The following TBCD variants were observed in gnomAD, a reference collection of about 807,000 sequenced individuals.
TBCD encodes tubulin folding cofactor D.
In TBCD, 105 loss-of-function variants were observed where a neutral mutation model predicts 169.3. That is an observed-to-expected ratio of 0.62 (90% CI 0.53 to 0.73). The LOEUF (loss-of-function observed/expected upper bound fraction) is 0.73, where lower values mean the gene tolerates loss of function less well. Ranked by LOEUF, TBCD falls within the 30% of genes least tolerant of loss-of-function variation. The pLI is 0.00. For missense variants in TBCD, 1,444 were observed against 1,600.1 expected (o/e 0.90, Z 1.66); for synonymous variants, 700 against 643.9 (o/e 1.09, Z -1.32).
chr17:82,807,025 C>G (rs2051017971), intron 10 of TBCD, among the ~76,000 whole-genome samples: 2 of 152,242 alleles, frequency 1.3e-5, no homozygotes, highest in Admixed American at 1.3e-4. Flanking sequence ...GACTGTCTCT[C>G]CACCCTCCCC....
rs2058970248 is a variant in TBCD at position 82,889,353 on chromosome 17, A to C, written c.1534-315A>C. ...GTGTTCGGGCTCTGGGCTTTGATTT[A>C]ACCTGCCTGTCTGTCTCTCTGAGTT... On this transcript the variant is annotated intron_variant, in intron 15 of 38. Coordinates refer to ENST00000355528, the MANE Select transcript of TBCD (RefSeq NM_005993.5). The surrounding 1 kb of genome is among the most constrained non-coding windows in gnomAD (Gnocchi z 5.3). 6.6e-6 allele frequency among the ~76,000 whole-genome samples: 1 copy of C among 152,004 alleles called. No individual in the cohort carries two copies. The highest frequency in any genetic ancestry group is 2.1e-4 in the South Asian group (1 of 4,810).
At chr17:82,862,858 A>G (rs1321590368) in intron 13 of TBCD, among the ~76,000 whole-genome samples, 1 of 152,192 alleles carries the variant, frequency 6.6e-6, no homozygotes, top group Non-Finnish European at 1.5e-5. Context: ...TCCGTTAAGT[A>G]GGGCCAGGTG....
chr17:82,791,642 G>A (rs1194410073), intron 7 of TBCD, among the ~76,000 whole-genome samples: 1 of 152,210 alleles, frequency 6.6e-6, no homozygotes, highest in Non-Finnish European at 1.5e-5. Context: ...AGTGATGGGG[G>A]AGTTGTTTAA....
chr17:82,843,001 C>T (rs999199708), intron 13 of TBCD, among the ~76,000 whole-genome samples: 8 of 151,818 alleles, frequency 5.3e-5, no homozygotes, highest in African/African-American at 1.2e-4. Flanking sequence ...AGGATGGTCT[C>T]GATCTCCTGA....
At chr17:82,753,538 C>T (rs535145257) in intron 1 of TBCD, among the ~76,000 whole-genome samples, 27 of 148,018 alleles carry the variant, frequency 1.8e-4, no homozygotes, top group African/African-American at 6.5e-4. Flanking sequence ...CTCACTGCAA[C>T]CTCAACCTCT....
chr17:82,783,199 G>A (rs964919769), intron 7 of TBCD, among the ~76,000 whole-genome samples: 12 of 152,258 alleles, frequency 7.9e-5, no homozygotes, highest in Admixed American at 2.0e-4. Flanking sequence ...TCATGCTGCC[G>A]TGGTCTTCAG....
intron 7 of TBCD, chr17:82,795,473 A>G: frequency 4.2e-6 from 4 of 955,040 alleles, no homozygotes; most frequent in Non-Finnish European, 2.5e-6. Context: ...GGGGTTTTCC[A>G]GCAGCCTCTG....
At chr17:82,795,709 C>A in intron 7 of TBCD, 1 of 688,736 alleles carries the variant, frequency 1.5e-6, no homozygotes, top group Non-Finnish European at 1.8e-6. Flanking sequence ...TCTGTGGCCT[C>A]GCAGGGTGGG....
chr17:82,842,817 G>C (rs2054636172), intron 13 of TBCD, among the ~76,000 whole-genome samples: 2 of 124,610 alleles, frequency 1.6e-5, no homozygotes, highest in South Asian at 5.0e-4. Context: ...ATCTCGCTCT[G>C]TCACCCAGGC....
intron 14 of TBCD, among the ~76,000 whole-genome samples, chr17:82,871,022 G>A (rs887427201): frequency 1.3e-5 from 2 of 152,240 alleles, no homozygotes; most frequent in African/African-American, 4.8e-5. Context: ...CCTCTGGGAG[G>A]TAGGGAGACA....
chr17:82,791,596 G>GT (rs1326058703), intron 7 of TBCD, among the ~76,000 whole-genome samples: 1 of 152,244 alleles, frequency 6.6e-6, no homozygotes, highest in Non-Finnish European at 1.5e-5. Context: ...AAGATGGGCT[G>GT]TGCAGAATGA....
chr17:82,846,049 G>A (rs951641653), intron 13 of TBCD, among the ~76,000 whole-genome samples: 2 of 152,250 alleles, frequency 1.3e-5, no homozygotes, highest in African/African-American at 4.8e-5. Flanking sequence ...CTTCAGGAAC[G>A]GCTCCGGGCC....
At chr17:82,850,498 TTTTGC>T (rs1199371868) in intron 13 of TBCD, among the ~76,000 whole-genome samples, 53 of 133,860 alleles carry the variant, frequency 4.0e-4, no homozygotes, top group African/African-American at 9.9e-4. Flanking sequence ...GGCTGTGCTG[TTTTGC>T]TGTTGGCTGT....
rs1208589632 is a variant in TBCD, at chr17:82,879,506, C to A, written c.1476-4639C>A. ...TGCATCCTCCTCACCCTGGGCATAG[C>A]GTTGCCAGGCCATCGCTCGGGTGAG... On this transcript the variant is annotated intron_variant, in intron 14 of 38. Transcript: ENST00000355528. Among the ~76,000 whole-genome samples, 3 of 152,212 alleles carry A rather than the reference C, an allele frequency of 2.0e-5. No individual in the cohort carries two copies. The East Asian group carries it at 5.8e-4, about 29-fold the overall frequency.
At chr17:82,849,946 T>TGTTGGCTGTGCTGCTGTTGGCTGTGCTGC (rs1567886521) in intron 13 of TBCD, among the ~76,000 whole-genome samples, 15 of 126,684 alleles carry the variant, frequency 1.2e-4, no homozygotes, top group African/African-American at 4.3e-4. Flanking sequence ...GGCTGTGCTG[T>TGTTGGCTGTGCTGCTGTTGGCTGTGCTGC]TGTTGCCTGT....
chr17:82,764,366 C>T (rs147862232), intron 3 of TBCD, among the ~76,000 whole-genome samples: 11 of 152,218 alleles, frequency 7.2e-5, no homozygotes, highest in Non-Finnish European at 1.2e-4. Flanking sequence ...GAAAGCAGGC[C>T]GGGTGCGGTG....
rs139036039 is a variant in TBCD, at chr17:82,818,032, A to G, written c.1318+3098A>G. 3.6e-3 allele frequency among the ~76,000 whole-genome samples: 541 copies of G among 152,302 alleles called. 2 individuals carry two copies. The highest frequency in any genetic ancestry group is 3.7e-3 in the Non-Finnish European group (254 of 68,024). On this transcript the variant is annotated intron_variant, in intron 13 of 38. Transcript: ENST00000355528. ...AGCTCCAGGTTCACTCAAAGGAGAC[A>G]AGAGACTCTACTGGCTTGTGTGTGT...
chr17:82,940,219 GCGCA>G (rs922770997), intron 37 of TBCD, among the ~76,000 whole-genome samples: 9 of 94,626 alleles, frequency 9.5e-5, no homozygotes, highest in East Asian at 3.3e-4. Context: ...ACTTGCACGC[GCGCA>G]CACACACACA....
chr17:82,864,826 GT>G lies in TBCD; in HGVS notation c.1319-5397del. Among the ~76,000 whole-genome samples the G allele has an allele frequency of 8.7e-6, 1 of 114,446 alleles. No individual in the cohort carries two copies. The allele number at this position is 114,446 out of a possible 152,430, so 75.1% of individuals were successfully genotyped here. On this transcript the variant is annotated intron_variant, in intron 13 of 38. Coordinates refer to ENST00000355528, the MANE Select transcript of TBCD (RefSeq NM_005993.5). The surrounding 1 kb of genome is among the most constrained non-coding windows in gnomAD (Gnocchi z 6.3). ...TGGGATCACCACTCCCCGGGGCACC[GT>G]GGGGACAGCGGGGGCCTGCTCACTC... is the stretch of plus-strand genomic sequence containing the variant.
Sources: gnomAD v4.1 joint callset for allele counts (sites outside exome capture counted in the v4.1 genomes callset) on GRCh38, gnomAD v4.1.1 for gene constraint, Gnocchi (gnomAD v3.1) non-coding constraint, MANE v1.5 for transcripts, NCBI Gene and HGNC (gene_info 2026-07-23, HGNC 2026-07-21) for gene names.